The following INIP variants were observed in gnomAD, a reference collection of about 807,000 sequenced individuals.
INIP encodes the protein INTS3 and NABP interacting protein, also known as SOSS complex subunit C.
A neutral mutation model predicts 14.0 loss-of-function variants in INIP; 9 were observed. The ratio of observed to expected loss-of-function variants is 0.64; its 90% confidence interval spans 0.39 to 1.12. The LOEUF is 1.12. Ranked by LOEUF, INIP falls within the 50% of genes most tolerant of loss-of-function variation. INIP has a pLI of 0.01. For missense variants in INIP, 78 were observed against 122.7 expected (o/e 0.64, Z 1.72); for synonymous variants, 37 against 41.5 (o/e 0.89, Z 0.41).
intron 2 of INIP, among the ~76,000 whole-genome samples, chr9:112,697,791 G>A (rs1160483446): frequency 6.6e-6 from 1 of 152,112 alleles, no homozygotes; most frequent in Non-Finnish European, 1.5e-5. Flanking sequence ...AAGTAAGAAG[G>A]TATTCTTCTA....
rs545306638 is a variant in INIP at position 112,689,405 on chromosome 9, T to C, written c.219+122A>G. ...GGCTTGACTGAACATCAGCAAACCA[T>C]TGCAATTATGTGTGGAACATTTTTA... On this transcript the variant is annotated intron_variant, in intron 4 of 4. Transcript: ENST00000374242. The C allele has an allele frequency of 1.7e-4, 125 of 754,920 alleles. 1 individual carries two copies. Among genetic ancestry groups the C allele is most frequent in the South Asian group, 1.6e-3 (99 of 61,324 alleles). The allele number at this position is 754,920 out of a possible 1,614,324, so 46.8% of individuals were successfully genotyped here. A position where few individuals can be genotyped will look rare whatever the true frequency, so the allele number is the denominator to read the frequency against.
intron 2 of INIP, among the ~76,000 whole-genome samples, chr9:112,715,117 C>CACAT (rs1332316152): frequency 1.3e-4 from 18 of 139,954 alleles, no homozygotes; most frequent in East Asian, 4.2e-4. Flanking sequence ...TTAAAATACA[C>CACAT]ACATACATAC....
At chr9:112,697,633 C>T (rs1838140600) in intron 2 of INIP, among the ~76,000 whole-genome samples, 1 of 152,058 alleles carries the variant, frequency 6.6e-6, no homozygotes, top group Non-Finnish European at 1.5e-5. Flanking sequence ...TCCTAGTACC[C>T]CTACTGCTCA....
intron 2 of INIP, among the ~76,000 whole-genome samples, chr9:112,707,487 TC>T (rs1227986564): frequency 6.6e-6 from 1 of 151,414 alleles, no homozygotes; most frequent in African/African-American, 2.4e-5. Context: ...CCCACACGTT[TC>T]TTTTTTTTCC....
At chr9:112,694,606 C>T (rs181657830) in intron 2 of INIP, among the ~76,000 whole-genome samples, 10 of 152,334 alleles carry the variant, frequency 6.6e-5, no homozygotes, top group Non-Finnish European at 4.4e-5. Context: ...TGTGCAGTCT[C>T]TATCCTGCCG....
intron 4 of INIP, among the ~76,000 whole-genome samples, chr9:112,688,515 TA>T (rs1237184140): frequency 6.6e-6 from 1 of 151,334 alleles, no homozygotes; most frequent in African/African-American, 2.4e-5. Context: ...AGACTGTTTT[TA>T]AGTCATCTAA....
rs1564227410 is a variant in INIP at position 112,695,805 on chromosome 9, G to GAGAAGAAGA, written c.26-1573_26-1572insTCTTCTTCT. ...GGGGGAGGGGGAGGGGGAGGAGGAG[G>GAGAAGAAGA]AGGAGAAGAAGAAGGAGAAGAAGAA... On this transcript the variant is annotated intron_variant, in intron 2 of 4. Transcript: ENST00000374242. Among the ~76,000 whole-genome samples, 83 of 143,092 alleles carry GAGAAGAAGA rather than the reference G, an allele frequency of 5.8e-4. No homozygotes were observed. The East Asian group carries it at 0.017, about 29-fold the overall frequency. 93.9% of individuals were successfully genotyped at this position (143,092 alleles called of 152,430 possible).
intron 2 of INIP, among the ~76,000 whole-genome samples, chr9:112,708,496 T>C: frequency 6.6e-6 from 1 of 152,164 alleles, no homozygotes; most frequent in East Asian, 1.9e-4. Context: ...GGATTCAATA[T>C]GAAGGAATGA....
chr9:112,711,156 C>T (rs564310154), intron 2 of INIP, among the ~76,000 whole-genome samples: 16 of 151,720 alleles, frequency 1.1e-4, no homozygotes, highest in Non-Finnish European at 2.4e-4. Context: ...GGCAACAGAG[C>T]GAGACCCTGC....
chr9:112,708,450 T>C (rs1294538834), intron 2 of INIP, among the ~76,000 whole-genome samples: 1 of 152,088 alleles, frequency 6.6e-6, no homozygotes, highest in Non-Finnish European at 1.5e-5. Context: ...ACGGATCCAA[T>C]AGCTATTTAG....
chr9:112,695,972 C>T (rs1256882744), intron 2 of INIP, among the ~76,000 whole-genome samples: 1 of 152,090 alleles, frequency 6.6e-6, no homozygotes, highest in African/African-American at 2.4e-5. Context: ...ACTGCAGCCT[C>T]AAACTCCTGG....
chr9:112,716,551 A>AGGTGAT lies in INIP; in HGVS notation c.-56-11_-56-10insATCACC. On this transcript the variant is annotated splice_polypyrimidine_tract_variant and intron_variant, in intron 1 of 4. Coordinates refer to ENST00000374242, the MANE Select transcript of INIP (RefSeq NM_021218.3). Reference sequence around the variant, plus strand: ...AGCACTTCACAATCACCTATAAAATATGTGTACACACATATACAATGCACC... The same window carrying AGGTGAT: ...AGCACTTCACAATCACCTATAAAATAGGTGATTGTGTACACACATATACAATGCACC... The AGGTGAT allele has an allele frequency of 7.5e-7, 1 of 1,326,536 alleles. No individual in the cohort carries two copies. Among genetic ancestry groups the AGGTGAT allele is most frequent in the Non-Finnish European group, 1.1e-6 (1 of 917,688 alleles). 82.2% of individuals were successfully genotyped at this position (1,326,536 alleles called of 1,614,324 possible).
At chr9:112,716,831 T>C (rs1838835067) in intron 1 of INIP, among the ~76,000 whole-genome samples, 1 of 151,752 alleles carries the variant, frequency 6.6e-6, no homozygotes, top group African/African-American at 2.4e-5. Context: ...GGCAAGCGCC[T>C]GCAGTCCCAG....
intron 2 of INIP, among the ~76,000 whole-genome samples, chr9:112,715,908 ACAGGGT>A (rs1838798518): frequency 6.6e-6 from 1 of 152,094 alleles, no homozygotes; most frequent in Non-Finnish European, 1.5e-5. Flanking sequence ...CTAGGCTTAC[ACAGGGT>A]CAGGATTATC....
chr9:112,712,404 G>A (rs755110370), intron 2 of INIP, among the ~76,000 whole-genome samples: 1 of 152,090 alleles, frequency 6.6e-6, no homozygotes, highest in Non-Finnish European at 1.5e-5. Flanking sequence ...ACAGAATCCA[G>A]AGTTTCCACA....
chr9:112,715,133 TACACACACACACACACACACACACAC>T (rs58647648), intron 2 of INIP, among the ~76,000 whole-genome samples: 11 of 133,520 alleles, frequency 8.2e-5, no homozygotes, highest in Non-Finnish European at 1.6e-5. Context: ...CATACATACA[TACACACACACACACACACACACACAC>T]ACACACACAC....
intron 2 of INIP, among the ~76,000 whole-genome samples, chr9:112,716,068 CT>C (rs1367600618): frequency 6.6e-6 from 1 of 152,072 alleles, no homozygotes; most frequent in Non-Finnish European, 1.5e-5. Context: ...TGATGTTCTT[CT>C]TTTTTTCTTT....
At chr9:112,716,189 C>T (rs1838809369) in intron 2 of INIP, among the ~76,000 whole-genome samples, 1 of 152,172 alleles carries the variant, frequency 6.6e-6, no homozygotes, top group African/African-American at 2.4e-5. Context: ...TCTCCTGCCT[C>T]AGCCTCCCTA....
chr9:112,715,121 T>TACAC (rs1838762919), intron 2 of INIP, among the ~76,000 whole-genome samples: 2 of 106,826 alleles, frequency 1.9e-5, no homozygotes, highest in Non-Finnish European at 3.8e-5. Flanking sequence ...AATACACACA[T>TACAC]ACATACATAC....
Sources: allele counts gnomAD v4.1 joint callset (sites outside exome capture counted in the v4.1 genomes callset), GRCh38; gene constraint gnomAD v4.1.1; transcripts MANE v1.5; gene names NCBI Gene and HGNC (gene_info 2026-07-23, HGNC 2026-07-21).